GRIK2: variants seen among roughly 807,000 people sequenced by gnomAD.
GRIK2 encodes the protein glutamate ionotropic receptor kainate type subunit 2.
A neutral mutation model predicts 100.3 loss-of-function variants in GRIK2; 32 were observed. That is an observed-to-expected ratio of 0.32 (90% confidence interval 0.24 to 0.43). The LOEUF is 0.43. GRIK2 is among the 20% of genes least tolerant of loss of function. The probability of loss-of-function intolerance (pLI) is 1.00; values close to 1 mark genes in which losing one functional copy is unlikely to be tolerated. For missense variants in GRIK2, 843 were observed against 1,114.9 expected (o/e 0.76, Z 3.47); for synonymous variants, 417 against 389.4 (o/e 1.07, Z -0.83).
intron 2 of GRIK2, among the ~76,000 whole-genome samples, chr6:101,488,351 G>A (rs1305771728): frequency 4.1e-5 from 6 of 146,722 alleles, no homozygotes; most frequent in Admixed American, 1.4e-4. Context: ...TGTGAAAGAG[G>A]TCATGAGTTG....
At chr6:101,716,637 A>T (rs368170596) in intron 7 of GRIK2, among the ~76,000 whole-genome samples, 3 of 150,010 alleles carry the variant, frequency 2.0e-5, no homozygotes, top group Non-Finnish European at 4.5e-5. Flanking sequence ...CATTAGGTGA[A>T]ATACCTAATG....
intron 15 of GRIK2, among the ~76,000 whole-genome samples, chr6:102,036,168 T>C (rs569978158): frequency 1.3e-5 from 2 of 150,896 alleles, no homozygotes; most frequent in African/African-American, 4.8e-5. Flanking sequence ...AAAACCATAA[T>C]AAAACTCTTG....
chr6:101,737,567 A>G (rs1419912773), intron 7 of GRIK2, among the ~76,000 whole-genome samples: 1 of 152,148 alleles, frequency 6.6e-6, no homozygotes, highest in East Asian at 1.9e-4. Flanking sequence ...GACTCGCCCC[A>G]ATGATTTGAT....
chr6:101,452,862 T>C (rs1770787602), intron 2 of GRIK2, among the ~76,000 whole-genome samples: 1 of 151,932 alleles, frequency 6.6e-6, no homozygotes, highest in African/African-American at 2.4e-5. Context: ...CATAGAAATA[T>C]TCCACCATTT....
intron 4 of GRIK2, among the ~76,000 whole-genome samples, chr6:101,627,842 A>G (rs1038685718): frequency 6.6e-6 from 1 of 152,182 alleles, no homozygotes; most frequent in African/African-American, 2.4e-5. Context: ...TTATTTTTGC[A>G]TACAAATGGT....
At chr6:101,771,199 GCAAAAAGAAGCATA>G (rs1778379993) in intron 7 of GRIK2, among the ~76,000 whole-genome samples, 1 of 151,790 alleles carries the variant, frequency 6.6e-6, no homozygotes, top group Non-Finnish European at 1.5e-5. Flanking sequence ...TTAGTTAAGA[GCAAAAAGAAGCATA>G]TTAGTTATCT....
At chr6:101,816,549 A>C (rs1369778857) in intron 9 of GRIK2, among the ~76,000 whole-genome samples, 1 of 151,928 alleles carries the variant, frequency 6.6e-6, no homozygotes. Context: ...AAATTAGCCG[A>C]GCGTGTTGGC....
intron 10 of GRIK2, among the ~76,000 whole-genome samples, chr6:101,849,767 T>A (rs1263032071): frequency 6.6e-6 from 1 of 151,344 alleles, no homozygotes; most frequent in Non-Finnish European, 1.5e-5. Context: ...GTAACCATTA[T>A]GTCTTTTTCA....
chr6:101,918,110 C>T (rs1018284704), intron 12 of GRIK2, among the ~76,000 whole-genome samples: 13 of 151,418 alleles, frequency 8.6e-5, no homozygotes, highest in South Asian at 2.1e-4. Flanking sequence ...AGAATATTAC[C>T]GTTAACTGCT....
At position 101,582,431 on chromosome 6, in the gene GRIK2, C is replaced by T. The variant is rs572542875; in HGVS notation, c.116-39518C>T. ...GATTTGATGATTTTATAAGGGATTT[C>T]CCCCTTCGCTTGGCTCTCATTCTCT... On this transcript the variant is annotated intron_variant, in intron 2 of 16. Transcript: ENST00000369134. Among the ~76,000 whole-genome samples the T allele has an allele frequency of 1.4e-4, 22 of 152,190 alleles. No individual in the cohort carries two copies. The East Asian group carries it at 3.3e-3, about 23-fold the overall frequency.
chr6:101,936,662 C>G (rs1303796636), intron 14 of GRIK2, among the ~76,000 whole-genome samples: 1 of 152,080 alleles, frequency 6.6e-6, no homozygotes, highest in African/African-American at 2.4e-5. Flanking sequence ...CACCATTTTA[C>G]TATGTTCCCA....
intron 9 of GRIK2, among the ~76,000 whole-genome samples, chr6:101,809,352 G>A (rs1197531168): frequency 6.6e-6 from 1 of 151,972 alleles, no homozygotes; most frequent in Non-Finnish European, 1.5e-5. Flanking sequence ...TGAAGAAAAA[G>A]TGGTTATTTC....
intron 2 of GRIK2, among the ~76,000 whole-genome samples, chr6:101,476,802 A>G (rs920207125): frequency 6.6e-6 from 1 of 152,154 alleles, no homozygotes; most frequent in African/African-American, 2.4e-5. Flanking sequence ...CATGCACACT[A>G]TGTTCAACCA....
intron 4 of GRIK2, among the ~76,000 whole-genome samples, chr6:101,664,105 A>G (rs1562294644): frequency 6.6e-6 from 1 of 152,208 alleles, no homozygotes; most frequent in Non-Finnish European, 1.5e-5. Context: ...ATTCTCAGTT[A>G]TGGGAGACAA....
chr6:102,015,093 CA>C (rs768513254), intron 14 of GRIK2, among the ~76,000 whole-genome samples: 4 of 152,174 alleles, frequency 2.6e-5, no homozygotes, highest in Admixed American at 6.5e-5. Context: ...TGAATGTCTC[CA>C]AAAACTTGAT....
At chr6:101,652,289 G>A (rs529180426) in intron 4 of GRIK2, among the ~76,000 whole-genome samples, 2 of 152,204 alleles carry the variant, frequency 1.3e-5, no homozygotes, top group South Asian at 2.1e-4. Flanking sequence ...TGGAATTAGT[G>A]TCCTTACCAT....
rs1778285565 is a variant in GRIK2, at chr6:101,769,818, T to C, written c.952-29830T>C. Among the ~76,000 whole-genome samples, 5 of 152,144 alleles carry C rather than the reference T, an allele frequency of 3.3e-5. No individual in the cohort carries two copies. The South Asian group carries it at 1.0e-3, about 32-fold the overall frequency. On this transcript the variant is annotated intron_variant, in intron 7 of 16. Coordinates refer to ENST00000369134, the MANE Select transcript of GRIK2 (RefSeq NM_021956.5). ...CGTCAAAGTAAACTATGCACATAGT[T>C]AGGGAGGTAAAGGAAGACAGAGGTT... is the stretch of plus-strand genomic sequence containing the variant.
chr6:101,886,103 G>C (rs1471035909), intron 11 of GRIK2, among the ~76,000 whole-genome samples: 1 of 152,044 alleles, frequency 6.6e-6, no homozygotes, highest in Non-Finnish European at 1.5e-5. Context: ...GGCAACCACT[G>C]ATCTTTTACT....
chr6:101,792,945 C>T (rs946587975), intron 7 of GRIK2, among the ~76,000 whole-genome samples: 26 of 152,098 alleles, frequency 1.7e-4, no homozygotes, highest in Non-Finnish European at 2.9e-4. Context: ...CTTCTCGCTT[C>T]ATTTCATTCA....
Sources: allele counts gnomAD v4.1 joint callset (sites outside exome capture counted in the v4.1 genomes callset), GRCh38; gene constraint gnomAD v4.1.1; transcripts MANE v1.5; gene names NCBI Gene and HGNC (gene_info 2026-07-23, HGNC 2026-07-21).